Variants in ATP2C1 observed in about 807,000 individuals in gnomAD.
ATP2C1 encodes ATPase secretory pathway Ca2+ transporting 1.
A neutral mutation model predicts 120.5 loss-of-function variants in ATP2C1; 31 were observed. The ratio of observed to expected loss-of-function variants is 0.26; its 90% CI spans 0.19 to 0.35. The LOEUF is 0.35. Ranked by LOEUF, ATP2C1 falls within the 10% of genes least tolerant of loss-of-function variation. ATP2C1 has a pLI of 1.00. For missense variants in ATP2C1, 731 were observed against 1,107.5 expected (o/e 0.66, Z 4.83); for synonymous variants, 351 against 358.7 (o/e 0.98, Z 0.24).
intron 11 of ATP2C1, 48 bp from the exon 12 acceptor site, chr3:130,959,227 A>G: frequency 7.3e-7 from 1 of 1,378,210 alleles, no homozygotes. Flanking sequence ...TGTTCCTTCT[A>G]GGTGATTGTA....
Position 130,930,499 on chromosome 3 carries a change from A to G in ATP2C1, c.90A>G (p.Pro30=), listed in dbSNP as rs1164329266. 1.9e-6 allele frequency: 3 copies of G among 1,611,956 alleles called. No homozygotes were observed. Among genetic ancestry groups the G allele is most frequent in the Admixed American group, 1.7e-5 (1 of 60,016 alleles). Residue 30 remains proline, a synonymous_variant, in exon 3 of 28, where the codon CCA becomes CCG. Coordinates refer to ENST00000510168, the MANE Select transcript of ATP2C1 (RefSeq NM_001378687.1). ...VLTSKKASEL[P]VSEVASILQA... is the part of the protein sequence containing the mutation. ...CATCAAAAAAAGCAAGTGAATTACC[A>G]GTCAGTGAAGTTGCAAGCATTCTCC... is the stretch of plus-strand genomic sequence containing the variant.
At chr3:130,953,076 CGT>C (rs2060432038) in intron 8 of ATP2C1, among the ~76,000 whole-genome samples, 1 of 149,224 alleles carries the variant, frequency 6.7e-6, no homozygotes, top group Non-Finnish European at 1.5e-5. Flanking sequence ...CTCACTTGTT[CGT>C]ATGTATGTAT....
intron 10 of ATP2C1, chr3:130,955,688 A>G (rs2060550470): frequency 5.2e-6 from 1 of 190,570 alleles, no homozygotes; most frequent in African/African-American, 2.4e-5. Flanking sequence ...TGAATAGAGA[A>G]GAGGGTTAGC....
chr3:130,902,957 A>G (rs2057937214), intron 2 of ATP2C1, among the ~76,000 whole-genome samples: 2 of 151,938 alleles, frequency 1.3e-5, no homozygotes, highest in South Asian at 2.1e-4. Flanking sequence ...CCTTACATGT[A>G]CATAGTTGTG....
intron 2 of ATP2C1, among the ~76,000 whole-genome samples, chr3:130,895,059 T>A (rs1490096927): frequency 1.3e-5 from 2 of 152,130 alleles, no homozygotes; most frequent in Admixed American, 6.5e-5. Context: ...TCATTTCAGA[T>A]AGCGTCTGTG....
chr3:130,993,131 T>C, intron 21 of ATP2C1, 130 bp downstream of exon 21: 1 of 740,790 alleles, frequency 1.3e-6, no homozygotes, highest in Non-Finnish European at 2.3e-6. Flanking sequence ...AGTTTTTTTT[T>C]TTTGTAAGAG....
intron 9 of ATP2C1, 133 bp downstream of exon 9, chr3:130,954,109 C>G: frequency 3.2e-6 from 3 of 942,902 alleles, no homozygotes; most frequent in Non-Finnish European, 4.9e-6. Context: ...CCCATTACAT[C>G]TATTTGTGAA....
intron 8 of ATP2C1, 98 bp from the exon 9 acceptor site, chr3:130,953,723 A>T: frequency 7.9e-7 from 1 of 1,271,452 alleles, no homozygotes; most frequent in Non-Finnish European, 1.1e-6. Flanking sequence ...TAATCAATGG[A>T]AAAGGGATGT....
chr3:130,890,739 T>C (rs960919124), upstream of ATP2C1, among the ~76,000 whole-genome samples: 29 of 152,358 alleles, frequency 1.9e-4, no homozygotes, highest in African/African-American at 6.7e-4. Context: ...TTTATAGCAA[T>C]TCTGGTAGAT....
chr3:130,903,003 TTGC>T (rs1351043181), intron 2 of ATP2C1, among the ~76,000 whole-genome samples: 1 of 152,014 alleles, frequency 6.6e-6, no homozygotes, highest in African/African-American at 2.4e-5. Context: ...CTGGAATTCT[TTGC>T]TGCTATTTCT....
intron 18 of ATP2C1, among the ~76,000 whole-genome samples, chr3:130,977,060 C>T (rs979626001): frequency 6.6e-6 from 1 of 152,090 alleles, no homozygotes; most frequent in Non-Finnish European, 1.5e-5. Context: ...ACAGTTAAGG[C>T]TTGACCCAGG....
At chr3:130,914,743 G>C (rs1047455795) in intron 2 of ATP2C1, among the ~76,000 whole-genome samples, 1 of 152,216 alleles carries the variant, frequency 6.6e-6, no homozygotes. Context: ...GCAAGTAGTT[G>C]TGTAGGTGGG....
intron 5 of ATP2C1, among the ~76,000 whole-genome samples, chr3:130,935,793 A>G (rs1345460403): frequency 6.6e-6 from 1 of 152,224 alleles, no homozygotes; most frequent in Non-Finnish European, 1.5e-5. Context: ...TAAAGCAGTA[A>G]AAATTAATTT....
At chr3:130,923,556 G>A (rs1036807490) in intron 2 of ATP2C1, among the ~76,000 whole-genome samples, 5 of 151,234 alleles carry the variant, frequency 3.3e-5, no homozygotes, top group Non-Finnish European at 7.4e-5. Context: ...TTGAAGTCTA[G>A]TTTGTCTGAT....
rs778644779 is a variant in ATP2C1, at chr3:130,963,967, A to G, written c.900-4A>G. The G allele has an allele frequency of 2.2e-5, 35 of 1,612,366 alleles. No homozygotes were observed. In the Middle Eastern group the frequency reaches 4.9e-4, roughly 23 times the overall value. On this transcript the variant is annotated splice_polypyrimidine_tract_variant and splice_region_variant and intron_variant, in intron 12 of 27. Transcript: ENST00000510168. ...TTTTAATACTTTGTATATGTTGGTT[A>G]TAGTTTGGCTGTAGCAGCAATTCCT...
intron 26 of ATP2C1, chr3:131,014,214 G>T (rs772872624): frequency 1.8e-4 from 287 of 1,592,158 alleles, no homozygotes; most frequent in Admixed American, 6.7e-4. Context: ...TTTTTTTTTT[G>T]AATTTGATCT....
At chr3:130,917,498 G>A (rs927851843) in intron 2 of ATP2C1, among the ~76,000 whole-genome samples, 4 of 152,138 alleles carry the variant, frequency 2.6e-5, no homozygotes, top group Admixed American at 6.5e-5. Context: ...GGGAATGAGT[G>A]CCAGAGTATT....
intron 1 of ATP2C1, among the ~76,000 whole-genome samples, chr3:130,876,441 G>C (rs2068607084): frequency 6.6e-6 from 1 of 151,984 alleles, no homozygotes; most frequent in Non-Finnish European, 1.5e-5. Context: ...GCTGTAAATA[G>C]TTGGATTCAT....
chr3:130,895,938 T>C (rs187075691), intron 2 of ATP2C1, among the ~76,000 whole-genome samples: 2 of 152,312 alleles, frequency 1.3e-5, no homozygotes, highest in Non-Finnish European at 2.9e-5. Context: ...AGAGGAGTTA[T>C]ACTGTCTAAT....
Sources: gnomAD v4.1 joint callset for allele counts (sites outside exome capture counted in the v4.1 genomes callset) on GRCh38, gnomAD v4.1.1 for gene constraint, MANE v1.5 for transcripts, NCBI Gene and HGNC (gene_info 2026-07-23, HGNC 2026-07-21) for gene names.